MECOM: variants seen among roughly 807,000 people sequenced by gnomAD.
MECOM encodes histone-lysine N-methyltransferase MECOM.
In MECOM, 13 loss-of-function variants were observed where a neutral mutation model predicts 116.3. That is an observed-to-expected ratio of 0.11 (90% CI 0.07 to 0.18). The LOEUF (loss-of-function observed/expected upper bound fraction) is 0.18. Ranked by LOEUF, MECOM falls within the 10% of genes least tolerant of loss-of-function variation. The pLI, the probability that MECOM is intolerant of heterozygous loss-of-function variation, is 1.00. For synonymous variants in MECOM, 528 were observed against 535.2 expected, an observed-to-expected ratio of 0.99 and a Z score of 0.19; for missense variants, 1,299 against 1,509.0, an observed-to-expected ratio of 0.86 and a Z score of 2.31.
At chr3:169,660,643 T>C (rs1022159713) in intron 1 of MECOM, among the ~76,000 whole-genome samples, 3 of 152,154 alleles carry the variant, frequency 2.0e-5, no homozygotes, top group Non-Finnish European at 2.9e-5. Context: ...GTTTTGTTTT[T>C]TAAAGTATTG....
chr3:169,570,340 G>A (rs532746170), intron 1 of MECOM, among the ~76,000 whole-genome samples: 10 of 152,114 alleles, frequency 6.6e-5, no homozygotes, highest in Non-Finnish European at 1.2e-4. Context: ...AATTGAGGCA[G>A]TAATTAATAG....
chr3:169,086,524 A>T, intron 16 of MECOM: 1 of 700,318 alleles, frequency 1.4e-6, no homozygotes, highest in Non-Finnish European at 2.6e-6. Flanking sequence ...TAGCTGTGTG[A>T]TCTTGAGCAA....
chr3:169,220,837 A>T (rs923984238), intron 2 of MECOM, among the ~76,000 whole-genome samples: 2 of 152,190 alleles, frequency 1.3e-5, no homozygotes, highest in African/African-American at 4.8e-5. Context: ...GAGAAAGACC[A>T]TAAGGGCAGG....
chr3:169,191,780 AAGAAAG>A (rs1747715932), intron 2 of MECOM, among the ~76,000 whole-genome samples: 1 of 140,990 alleles, frequency 7.1e-6, no homozygotes, highest in Non-Finnish European at 1.5e-5. Flanking sequence ...GAAAGAAAGA[AAGAAAG>A]AAAGAAAGGG....
At position 169,143,838 on chromosome 3, in the gene MECOM, G is replaced by T; in HGVS notation, c.376-6C>A. On this transcript the variant is annotated splice_region_variant and splice_polypyrimidine_tract_variant and intron_variant, in intron 2 of 16. Transcript: ENST00000651503. ...TTGTAAAATTCGTCTAAGATCTGGA[G>T]GGAAGAAGATGAGAACAATCAATTG... 1 of 1,596,400 alleles carries T rather than the reference G, an allele frequency of 6.3e-7. No homozygotes were observed. The highest frequency in any genetic ancestry group is 8.5e-7 in the Non-Finnish European group (1 of 1,171,476).
chr3:169,174,321 G>C (rs1312872853), intron 2 of MECOM, among the ~76,000 whole-genome samples: 1 of 152,126 alleles, frequency 6.6e-6, no homozygotes, highest in African/African-American at 2.4e-5. Context: ...TGAACAAATT[G>C]GCAATGATCC....
At chr3:169,098,684 AT>A (rs1722535728) in intron 12 of MECOM, among the ~76,000 whole-genome samples, 1 of 151,916 alleles carries the variant, frequency 6.6e-6, no homozygotes, top group African/African-American at 2.4e-5. Flanking sequence ...CTAATTTTTT[AT>A]TTTTTAAATA....
chr3:169,460,615 C>T (rs997369965), intron 1 of MECOM, among the ~76,000 whole-genome samples: 3 of 152,142 alleles, frequency 2.0e-5, no homozygotes, highest in Admixed American at 6.6e-5. Flanking sequence ...TACAAGAATA[C>T]GTTATCTGAA....
intron 2 of MECOM, among the ~76,000 whole-genome samples, chr3:169,195,827 C>T (rs1463371725): frequency 6.6e-6 from 1 of 152,032 alleles, no homozygotes. Context: ...GATGAATCCT[C>T]GCTCTGTCAA....
chr3:169,518,191 G>A lies in MECOM; in HGVS notation c.38-136667C>T, dbSNP rs545577052. Among the ~76,000 whole-genome samples, 15 of 151,870 alleles carry A rather than the reference G, an allele frequency of 9.9e-5. 1 individual carries two copies. The highest frequency in any genetic ancestry group is 6.6e-4 in the Admixed American group (10 of 15,250). ...GGAGAATGGTGCGAACCCGGGAGGC[G>A]GAGCTTGCAGTGAGCCGAGATCGCA... is the stretch of plus-strand genomic sequence containing the variant. On this transcript the variant is annotated intron_variant, in intron 1 of 16. Coordinates refer to ENST00000651503, the MANE Select transcript of MECOM (RefSeq NM_004991.4).
intron 2 of MECOM, among the ~76,000 whole-genome samples, chr3:169,330,831 G>A (rs544987599): frequency 7.2e-5 from 11 of 151,830 alleles, no homozygotes; most frequent in South Asian, 2.1e-4. Context: ...ACTGAACTTC[G>A]ATAATAAAGC....
At chr3:169,136,267 T>C (rs1736329589) in intron 3 of MECOM, among the ~76,000 whole-genome samples, 1 of 151,588 alleles carries the variant, frequency 6.6e-6, no homozygotes, top group Non-Finnish European at 1.5e-5. Flanking sequence ...TATTTTATAA[T>C]TTGACATAAA....
intron 2 of MECOM, chr3:169,147,449 T>A (rs1740252155): frequency 1.0e-6 from 1 of 985,310 alleles, no homozygotes; most frequent in African/African-American, 1.7e-5. Context: ...AAGGGAGCTA[T>A]CTCCCGCCGC....
rs140266630 is a variant in MECOM at position 169,114,820 on chromosome 3, A to G, written c.2489+563T>C. 2.6e-3 allele frequency among the ~76,000 whole-genome samples: 399 copies of G among 152,312 alleles called. 2 individuals carry two copies. Among genetic ancestry groups the G allele is most frequent in the African/African-American group, 9.0e-3 (373 of 41,572 alleles). ...GGAAACCGGATAATGAAGCTATTAA[A>G]CAGAGACATTTTTTAAGCCAACTAC... is the stretch of plus-strand genomic sequence containing the variant. On this transcript the variant is annotated intron_variant, in intron 8 of 16. Coordinates refer to ENST00000651503, the MANE Select transcript of MECOM (RefSeq NM_004991.4).
intron 1 of MECOM, among the ~76,000 whole-genome samples, chr3:169,641,825 C>G (rs1444331592): frequency 6.6e-6 from 1 of 152,034 alleles, no homozygotes; most frequent in Admixed American, 6.5e-5. Flanking sequence ...TGATATTGCC[C>G]TAAGGAAAGG....
At chr3:169,536,253 T>C (rs1759336641) in intron 1 of MECOM, among the ~76,000 whole-genome samples, 1 of 152,048 alleles carries the variant, frequency 6.6e-6, no homozygotes, top group African/African-American at 2.4e-5. Context: ...GTCTTGCCTT[T>C]GATAAACACA....
At chr3:169,408,983 C>T (rs889126603) in intron 1 of MECOM, among the ~76,000 whole-genome samples, 3 of 151,954 alleles carry the variant, frequency 2.0e-5, no homozygotes, top group African/African-American at 7.2e-5. Flanking sequence ...GGAGATGCCA[C>T]ATATATTAAA....
At chr3:169,625,829 A>C (rs140812349) in intron 1 of MECOM, among the ~76,000 whole-genome samples, 1 of 152,356 alleles carries the variant, frequency 6.6e-6, no homozygotes, top group Admixed American at 6.5e-5. Flanking sequence ...TTGACCAGCA[A>C]TCAGAAATTA....
intron 2 of MECOM, among the ~76,000 whole-genome samples, chr3:169,232,980 G>C (rs535206080): frequency 2.6e-5 from 4 of 152,034 alleles, no homozygotes; most frequent in African/African-American, 9.6e-5. Context: ...TTCCTGGCAG[G>C]TCCCCAACAA....
Sources: gnomAD v4.1 joint callset for allele counts (sites outside exome capture counted in the v4.1 genomes callset) on GRCh38, gnomAD v4.1.1 for gene constraint, MANE v1.5 for transcripts, NCBI Gene and HGNC (gene_info 2026-07-23, HGNC 2026-07-21) for gene names.